Variants in C2orf76 observed in about 807,000 individuals in gnomAD.
The protein encoded by C2orf76 is chromosome 2 open reading frame 76.
A neutral mutation model predicts 16.9 loss-of-function variants in C2orf76; 23 were observed. That is an observed-to-expected ratio of 1.36 (90% confidence interval 0.98 to 1.93). The LOEUF (loss-of-function observed/expected upper bound fraction) is 1.93, where lower values mean the gene tolerates loss of function less well. C2orf76 is among the 30% of genes most tolerant of loss of function. C2orf76 has a pLI of 0.00. For synonymous variants in C2orf76, 48 were observed against 52.3 expected (o/e 0.92, Z 0.35); for missense variants, 152 against 152.6 (o/e 1.00, Z 0.02).
At chr2:119,309,666 C>T (rs1164327634) in intron 5 of C2orf76, among the ~76,000 whole-genome samples, 2 of 152,044 alleles carry the variant, frequency 1.3e-5, no homozygotes, top group African/African-American at 4.8e-5. Context: ...GTGATCCTCC[C>T]CGCCTTAGCC....
At chr2:119,352,496 C>A (rs1211672654) in intron 1 of C2orf76, among the ~76,000 whole-genome samples, 1 of 152,190 alleles carries the variant, frequency 6.6e-6, no homozygotes, top group East Asian at 1.9e-4. Flanking sequence ...CCAATCACAG[C>A]AGCCAAACTT....
chr2:119,283,304 C>T, the C2orf76 span, among the ~76,000 whole-genome samples: 9 of 152,256 alleles, frequency 5.9e-5, no homozygotes, highest in East Asian at 7.7e-4. Flanking sequence ...GCTTCCAGTC[C>T]GCCTCTCAGT....
chr2:119,337,522 TATTAC>T (rs765375044), intron 2 of C2orf76, among the ~76,000 whole-genome samples: 2 of 152,192 alleles, frequency 1.3e-5, no homozygotes, highest in African/African-American at 4.8e-5. Flanking sequence ...TCATTATTAT[TATTAC>T]ATATTTCAAA....
intron 1 of C2orf76, 66 bp from the exon 2 acceptor site, chr2:119,340,037 C>T: frequency 6.5e-7 from 1 of 1,537,002 alleles, no homozygotes; most frequent in East Asian, 2.3e-5. Context: ...AGCACCTAGC[C>T]TGCATCTCTA....
intron 1 of C2orf76, among the ~76,000 whole-genome samples, chr2:119,355,599 C>G (rs1249345783): frequency 6.6e-6 from 1 of 152,206 alleles, no homozygotes; most frequent in African/African-American, 2.4e-5. Flanking sequence ...AACTCCTCCT[C>G]TCAGTGGTGG....
chr2:119,313,939 C>T (rs1194836087), intron 4 of C2orf76, among the ~76,000 whole-genome samples: 1 of 149,066 alleles, frequency 6.7e-6, no homozygotes, highest in African/African-American at 2.5e-5. Context: ...TCTTCACATG[C>T]TAAGGAAATT....
intron 1 of C2orf76, among the ~76,000 whole-genome samples, chr2:119,343,342 CAT>C (rs1313038279): frequency 6.6e-6 from 1 of 151,994 alleles, no homozygotes; most frequent in Non-Finnish European, 1.5e-5. Flanking sequence ...CAGAAAGAGA[CAT>C]ATAGAAGCCT....
chr2:119,311,456 G>A (rs890720992), intron 5 of C2orf76, 166 bp downstream of exon 5: 69 of 985,368 alleles, frequency 7.0e-5, no homozygotes, highest in South Asian at 1.9e-4. Context: ...CCAAGAGATC[G>A]GAATGCACAT....
the C2orf76 span, among the ~76,000 whole-genome samples, chr2:119,288,672 C>T: frequency 6.6e-6 from 1 of 152,006 alleles, no homozygotes; most frequent in East Asian, 1.9e-4. Context: ...GCAGAGAAAG[C>T]TCCAACCCCG....
At chr2:119,294,998 A>C in the C2orf76 span, among the ~76,000 whole-genome samples, 2 of 152,112 alleles carry the variant, frequency 1.3e-5, no homozygotes, top group East Asian at 3.9e-4. Context: ...TGGAGGGGGC[A>C]CCAGAGGCAG....
At chr2:119,343,242 C>A (rs1680091901) in intron 1 of C2orf76, among the ~76,000 whole-genome samples, 2 of 152,052 alleles carry the variant, frequency 1.3e-5, no homozygotes, top group African/African-American at 4.8e-5. Flanking sequence ...AAAATCGTAT[C>A]CCAGAATCTA....
intron 2 of C2orf76, among the ~76,000 whole-genome samples, chr2:119,325,027 A>G (rs111796776): frequency 0.019 from 2,850 of 152,058 alleles, 35 homozygotes; most frequent in South Asian, 0.053. Flanking sequence ...TACAATAGGT[A>G]TATGTTTAGC....
the C2orf76 span, among the ~76,000 whole-genome samples, chr2:119,284,726 T>G: frequency 6.6e-6 from 1 of 152,092 alleles, no homozygotes; most frequent in East Asian, 1.9e-4. Context: ...CTTTTCATGT[T>G]TAAAACTGAA....
intron 2 of C2orf76, among the ~76,000 whole-genome samples, chr2:119,330,392 T>C (rs1003760547): frequency 6.6e-6 from 1 of 152,242 alleles, no homozygotes; most frequent in Admixed American, 6.5e-5. Flanking sequence ...ATCTTCTTTC[T>C]GGCACACACT....
chr2:119,316,126 T>C (rs1377719069), intron 4 of C2orf76, among the ~76,000 whole-genome samples: 1 of 152,216 alleles, frequency 6.6e-6, no homozygotes, highest in East Asian at 1.9e-4. Context: ...ATTTTAGATG[T>C]ATATAATACA....
the C2orf76 span, among the ~76,000 whole-genome samples, chr2:119,284,198 G>A: frequency 2.4e-4 from 37 of 152,148 alleles, no homozygotes; most frequent in African/African-American, 7.7e-4. Flanking sequence ...CCTCCCAATC[G>A]TCATAGCCAG....
At chr2:119,348,856 G>A (rs966589370) in intron 1 of C2orf76, among the ~76,000 whole-genome samples, 1 of 152,174 alleles carries the variant, frequency 6.6e-6, no homozygotes, top group African/African-American at 2.4e-5. Flanking sequence ...AGTTAGCCCG[G>A]CATGGTGGCG....
At chr2:119,335,741 A>T (rs1220359256) in intron 2 of C2orf76, among the ~76,000 whole-genome samples, 2 of 152,200 alleles carry the variant, frequency 1.3e-5, no homozygotes, top group African/African-American at 4.8e-5. Flanking sequence ...AATGTCAATA[A>T]TCCTAAATGA....
At chr2:119,301,104 C>CACACACACAA (rs531243604), downstream of C2orf76, among the ~76,000 whole-genome samples, 6 of 141,902 alleles carry the variant, frequency 4.2e-5, no homozygotes, top group South Asian at 4.2e-4. Flanking sequence ...CACACACACA[C>CACACACACAA]AACTAATTTC....
Sources: allele counts gnomAD v4.1 joint callset (sites outside exome capture counted in the v4.1 genomes callset), GRCh38; gene constraint gnomAD v4.1.1; transcripts MANE v1.5; gene names NCBI Gene and HGNC (gene_info 2026-07-23, HGNC 2026-07-21).